Variants in TANK observed in about 807,000 individuals in gnomAD.
The protein encoded by TANK is TRAF family member-associated NF-kappa-B activator.
Under a neutral mutation model 43.6 loss-of-function variants are expected in TANK, and 15 were observed. The ratio of observed to expected loss-of-function variants is 0.34; its 90% CI spans 0.23 to 0.53. The LOEUF is 0.53. Among genes scored for constraint, TANK ranks in the 20% least tolerant of loss-of-function variants. The probability of loss-of-function intolerance (pLI) is 0.94; values close to 1 mark genes in which losing one functional copy is unlikely to be tolerated. For missense variants in TANK, 417 were observed against 498.6 expected, an observed-to-expected ratio of 0.84 and a Z score of 1.56; for synonymous variants, 162 against 178.2, an observed-to-expected ratio of 0.91 and a Z score of 0.73.
At chr2:161,221,603 C>T (rs1293041629) in intron 4 of TANK, among the ~76,000 whole-genome samples, 1 of 151,604 alleles carries the variant, frequency 6.6e-6, no homozygotes, top group Non-Finnish European at 1.5e-5. Context: ...ATAGCATTAA[C>T]ATGTTATGCC....
At chr2:161,181,918 A>G (rs576865289) in intron 2 of TANK, among the ~76,000 whole-genome samples, 1 of 152,064 alleles carries the variant, frequency 6.6e-6, no homozygotes, top group African/African-American at 2.4e-5. Context: ...GGTTTTCCCA[A>G]TTAAAAAAAA....
At chr2:161,233,368 G>A (rs1260679857) in intron 7 of TANK, among the ~76,000 whole-genome samples, 1 of 152,058 alleles carries the variant, frequency 6.6e-6, no homozygotes, top group African/African-American at 2.4e-5. Context: ...TCACACTCCA[G>A]CCTGGGTGAC....
intron 6 of TANK, among the ~76,000 whole-genome samples, chr2:161,229,616 GA>G (rs1310228843): frequency 2.0e-5 from 3 of 152,100 alleles, no homozygotes; most frequent in Non-Finnish European, 2.9e-5. Context: ...TACCCAAACA[GA>G]AAAAAATATA....
chr2:161,145,001 T>C (rs1683863172), intron 1 of TANK, among the ~76,000 whole-genome samples: 1 of 152,154 alleles, frequency 6.6e-6, no homozygotes, highest in East Asian at 1.9e-4. Flanking sequence ...TGCATATATA[T>C]TTAGGATGGT....
At chr2:161,194,436 C>G (rs779105066) in intron 2 of TANK, among the ~76,000 whole-genome samples, 1 of 151,446 alleles carries the variant, frequency 6.6e-6, no homozygotes, top group East Asian at 1.9e-4. Flanking sequence ...TTCTTTGTAC[C>G]GAGAAGAAAA....
chr2:161,216,696 G>T (rs1406219391), intron 4 of TANK, among the ~76,000 whole-genome samples: 1 of 151,122 alleles, frequency 6.6e-6, no homozygotes, highest in Non-Finnish European at 1.5e-5. Flanking sequence ...AAGATTTTTT[G>T]ATGCTAACAG....
intron 2 of TANK, among the ~76,000 whole-genome samples, chr2:161,187,044 G>A (rs1381612884): frequency 1.3e-5 from 2 of 152,124 alleles, no homozygotes; most frequent in African/African-American, 2.4e-5. Context: ...GCAAAGAGGT[G>A]GAAAAGGGAG....
chr2:161,204,446 A>G (rs1686556927), intron 3 of TANK, among the ~76,000 whole-genome samples: 1 of 152,212 alleles, frequency 6.6e-6, no homozygotes, highest in Non-Finnish European at 1.5e-5. Flanking sequence ...TGCATATTTT[A>G]CATACTGCTG....
At chr2:161,192,589 T>C (rs773795285) in intron 2 of TANK, among the ~76,000 whole-genome samples, 3 of 152,204 alleles carry the variant, frequency 2.0e-5, no homozygotes, top group Non-Finnish European at 4.4e-5. Flanking sequence ...TATCCTCTGG[T>C]ACAGCCCTCA....
intron 2 of TANK, among the ~76,000 whole-genome samples, chr2:161,181,709 A>G (rs754311619): frequency 1.1e-4 from 17 of 152,144 alleles, no homozygotes; most frequent in Non-Finnish European, 2.4e-4. Flanking sequence ...CGCCTCCATG[A>G]TCCAGTCACT....
intron 1 of TANK, chr2:161,137,835 A>C (rs1207272203): frequency 1.3e-5 from 2 of 152,260 alleles, no homozygotes; most frequent in African/African-American, 4.8e-5. Flanking sequence ...TTAGCCGGGC[A>C]TGGTGGTACA....
intron 2 of TANK, among the ~76,000 whole-genome samples, chr2:161,187,570 G>A (rs902430233): frequency 2.0e-5 from 3 of 152,136 alleles, no homozygotes; most frequent in African/African-American, 7.2e-5. Context: ...TATGAAGCAA[G>A]CATTGACACT....
At chr2:161,176,134 G>T (rs1239939621) in intron 1 of TANK, among the ~76,000 whole-genome samples, 3 of 152,130 alleles carry the variant, frequency 2.0e-5, no homozygotes, top group Non-Finnish European at 4.4e-5. Flanking sequence ...CATTTTCCTG[G>T]AGTCTGGCAA....
intron 1 of TANK, among the ~76,000 whole-genome samples, chr2:161,147,888 A>G (rs903848002): frequency 1.1e-4 from 16 of 152,118 alleles, no homozygotes; most frequent in East Asian, 1.9e-4. Flanking sequence ...TATTATATGT[A>G]TATACCACTA....
At chr2:161,175,121 T>C (rs1041481900) in intron 1 of TANK, among the ~76,000 whole-genome samples, 5 of 152,160 alleles carry the variant, frequency 3.3e-5, no homozygotes, top group Non-Finnish European at 5.9e-5. Flanking sequence ...TACTATATGC[T>C]TCAAGTTACA....
intron 4 of TANK, among the ~76,000 whole-genome samples, chr2:161,218,548 G>C (rs963136680): frequency 1.3e-5 from 2 of 150,566 alleles, no homozygotes; most frequent in Non-Finnish European, 3.0e-5. Flanking sequence ...TTTGTGGCTT[G>C]CCAGGTGCAG....
chr2:161,173,595 A>G (rs1264771580), intron 1 of TANK, among the ~76,000 whole-genome samples: 2 of 151,634 alleles, frequency 1.3e-5, no homozygotes, highest in African/African-American at 4.8e-5. Flanking sequence ...ACAAATGCTT[A>G]TACCTGTGCT....
At chr2:161,204,129 AGT>A (rs1686542586) in intron 3 of TANK, among the ~76,000 whole-genome samples, 1 of 148,020 alleles carries the variant, frequency 6.8e-6, no homozygotes, top group Non-Finnish European at 1.5e-5. Flanking sequence ...TACATAAATA[AGT>A]GTTTTTTTCA....
chr2:161,219,888 T>C, intron 4 of TANK: 1 of 349,624 alleles, frequency 2.9e-6, no homozygotes. Flanking sequence ...ACTACTTACT[T>C]TTCCTTTTTC....
Sources: allele counts gnomAD v4.1 joint callset (sites outside exome capture counted in the v4.1 genomes callset), GRCh38; gene constraint gnomAD v4.1.1; transcripts MANE v1.5; gene names NCBI Gene and HGNC (gene_info 2026-07-23, HGNC 2026-07-21).